The following DISC1 variants were observed in gnomAD, a reference collection of about 807,000 sequenced individuals.
DISC1 encodes the protein DISC1 scaffold protein.
DISC1 carries 57 observed loss-of-function variants against 84.5 expected under a neutral mutation model. That is an observed-to-expected ratio of 0.67 (90% confidence interval 0.55 to 0.84). The LOEUF (loss-of-function observed/expected upper bound fraction) is 0.84. DISC1 is among the 40% of genes least tolerant of loss of function. DISC1 has a pLI of 0.00. For synonymous variants in DISC1, 411 were observed against 415.2 expected, an observed-to-expected ratio of 0.99 and a Z score of 0.12; for missense variants, 1,000 against 1,057.8, an observed-to-expected ratio of 0.95 and a Z score of 0.76.
chr1:231,763,918 G>C (rs74144129), intron 4 of DISC1, among the ~76,000 whole-genome samples: 1 of 152,198 alleles, frequency 6.6e-6, no homozygotes, highest in African/African-American at 2.4e-5. Flanking sequence ...GAATGAAATG[G>C]GGTAGGAGTA....
intron 1 of DISC1, among the ~76,000 whole-genome samples, chr1:231,689,918 G>C (rs750256345): frequency 6.6e-6 from 1 of 152,160 alleles, no homozygotes; most frequent in African/African-American, 2.4e-5. Context: ...CTGTTGACTG[G>C]GTGATCAGGA....
At chr1:231,877,063 G>T (rs1047545226) in intron 9 of DISC1, among the ~76,000 whole-genome samples, 4 of 152,198 alleles carry the variant, frequency 2.6e-5, no homozygotes, top group South Asian at 2.1e-4. Context: ...TGATCAGTGG[G>T]TCAAGTCAGC....
At chr1:231,975,783 A>G (rs947337844) in intron 10 of DISC1, among the ~76,000 whole-genome samples, 1 of 152,222 alleles carries the variant, frequency 6.6e-6, no homozygotes, top group African/African-American at 2.4e-5. Flanking sequence ...ATGTGTTCAC[A>G]TGGACGTAGA....
At chr1:231,997,920 G>T (rs902057519) in intron 10 of DISC1, among the ~76,000 whole-genome samples, 1 of 149,920 alleles carries the variant, frequency 6.7e-6, no homozygotes, top group Non-Finnish European at 1.5e-5. Flanking sequence ...GAGGACAACT[G>T]TTAAAAAAGA....
At chr1:231,742,171 C>T (rs543100961) in intron 3 of DISC1, among the ~76,000 whole-genome samples, 4 of 152,296 alleles carry the variant, frequency 2.6e-5, no homozygotes, top group South Asian at 4.1e-4. Context: ...TAGGAGTGTT[C>T]CTTACATATT....
chr1:231,845,102 T>C (rs1274770290), intron 9 of DISC1, among the ~76,000 whole-genome samples: 1 of 152,144 alleles, frequency 6.6e-6, no homozygotes, highest in South Asian at 2.1e-4. Flanking sequence ...GTAAGGTCTG[T>C]GTTGATGTTA....
At chr1:231,964,715 A>C (rs1230794694) in intron 10 of DISC1, among the ~76,000 whole-genome samples, 1 of 152,228 alleles carries the variant, frequency 6.6e-6, no homozygotes, top group Non-Finnish European at 1.5e-5. Context: ...TCACCTTCAC[A>C]GTTCCTTTCC....
chr1:231,862,528 A>G (rs554080850), intron 9 of DISC1, among the ~76,000 whole-genome samples: 1 of 152,214 alleles, frequency 6.6e-6, no homozygotes, highest in Non-Finnish European at 1.5e-5. Flanking sequence ...TCTTAAAATG[A>G]AGTATCTGGT....
rs538787698 is a variant in DISC1, at chr1:231,644,405, G to A, written c.67+17471G>A. 3.3e-5 allele frequency among the ~76,000 whole-genome samples: 5 copies of A among 152,274 alleles called. No homozygotes were observed. In the East Asian group the frequency reaches 5.8e-4, roughly 18 times the overall value. On this transcript the variant is annotated intron_variant, in intron 1 of 12. Transcript: ENST00000439617. ...AAAGCTACATATCCCAGGCTTTCTC[G>A]CCAGCTCATTTGCTGTTAAATTCTG...
At chr1:231,959,566 A>G in intron 10 of DISC1, 1 of 922,202 alleles carries the variant, frequency 1.1e-6, no homozygotes, top group South Asian at 5.0e-5. Context: ...GAATTTGTTA[A>G]GTAACTCTTT....
At chr1:232,026,805 A>G (rs1418830426) in intron 12 of DISC1, among the ~76,000 whole-genome samples, 1 of 133,730 alleles carries the variant, frequency 7.5e-6, no homozygotes, top group Non-Finnish European at 1.5e-5. Context: ...CTGGAGTGCA[A>G]TGGTGTGATC....
chr1:231,950,203 TC>T (rs1329343228), intron 9 of DISC1, among the ~76,000 whole-genome samples: 2 of 130,204 alleles, frequency 1.5e-5, no homozygotes, highest in Non-Finnish European at 3.1e-5. Context: ...GAAAAAAAAT[TC>T]TGTGTGTGTG....
intron 12 of DISC1, among the ~76,000 whole-genome samples, chr1:232,033,871 C>G (rs1670278185): frequency 6.6e-6 from 1 of 152,184 alleles, no homozygotes; most frequent in East Asian, 1.9e-4. Flanking sequence ...CCCAGTGCCT[C>G]TACCTAGAGG....
At chr1:231,919,068 C>T (rs1347408750) in intron 9 of DISC1, among the ~76,000 whole-genome samples, 2 of 152,190 alleles carry the variant, frequency 1.3e-5, no homozygotes, top group Non-Finnish European at 2.9e-5. Context: ...TTTGTTTTCC[C>T]TCATATTTTA....
At chr1:231,659,398 T>C (rs1400272662) in intron 1 of DISC1, among the ~76,000 whole-genome samples, 4 of 152,178 alleles carry the variant, frequency 2.6e-5, no homozygotes, top group African/African-American at 9.6e-5. Flanking sequence ...TAGCAAGTGA[T>C]CTATTTTATT....
At chr1:231,924,917 A>G (rs1166382320) in intron 9 of DISC1, among the ~76,000 whole-genome samples, 2 of 151,100 alleles carry the variant, frequency 1.3e-5, no homozygotes, top group African/African-American at 4.9e-5. Context: ...TGGCCTCCCA[A>G]AGTGCTGGGA....
intron 1 of DISC1, among the ~76,000 whole-genome samples, chr1:231,666,806 A>G (rs2062066772): frequency 6.6e-6 from 1 of 152,196 alleles, no homozygotes; most frequent in African/African-American, 2.4e-5. Flanking sequence ...AGGACTGGCA[A>G]CATGTAGAAT....
At chr1:231,920,276 A>G (rs1229139765) in intron 9 of DISC1, among the ~76,000 whole-genome samples, 5 of 152,258 alleles carry the variant, frequency 3.3e-5, no homozygotes, top group Non-Finnish European at 7.3e-5. Context: ...TTACCATTTT[A>G]GCCATTTTTA....
At chr1:231,968,591 CA>C (rs34437165) in intron 10 of DISC1, among the ~76,000 whole-genome samples, 34,893 of 88,818 alleles carry the variant, frequency 0.39, 3,988 homozygotes, top group South Asian at 0.47. Flanking sequence ...GACTCCGTCT[CA>C]AAAAAAAAAA....
Sources: gnomAD v4.1 joint callset for allele counts (sites outside exome capture counted in the v4.1 genomes callset) on GRCh38, gnomAD v4.1.1 for gene constraint, MANE v1.5 for transcripts, NCBI Gene and HGNC (gene_info 2026-07-23, HGNC 2026-07-21) for gene names.